Variants in LRRK2 observed in about 807,000 individuals in gnomAD.
LRRK2 encodes leucine rich repeat kinase 2.
Under a neutral mutation model 302.6 loss-of-function variants are expected in LRRK2, and 203 were observed. The ratio of observed to expected loss-of-function variants is 0.67; its 90% CI spans 0.60 to 0.75. LRRK2 has a LOEUF of 0.75. Among genes scored for constraint, LRRK2 ranks in the 30% least tolerant of loss-of-function variants. The probability of loss-of-function intolerance (pLI) is 0.00; values close to 1 mark genes in which losing one functional copy is unlikely to be tolerated. For missense variants in LRRK2, 2,830 were observed against 2,951.0 expected (o/e 0.96, Z 0.95); for synonymous variants, 1,066 against 1,031.9 (o/e 1.03, Z -0.63).
intron 27 of LRRK2, among the ~76,000 whole-genome samples, chr12:40,305,365 C>T (rs1323992774): frequency 3.3e-5 from 5 of 152,040 alleles, no homozygotes; most frequent in Non-Finnish European, 5.9e-5. Context: ...AAGCATGTAG[C>T]TGTACTTTGA....
rs547535172 is a variant in LRRK2, at chr12:40,288,274, A to G, written c.2689+735A>G. Among the ~76,000 whole-genome samples the G allele has an allele frequency of 2.2e-3, 334 of 152,000 alleles. 3 individuals carry two copies. Among genetic ancestry groups the G allele is most frequent in the African/African-American group, 7.8e-3 (323 of 41,538 alleles). ...TTATATACATATATAATTTATATAA[A>G]ATAAAATGCATTCACTTTAAGTATA... On this transcript the variant is annotated intron_variant, in intron 20 of 50. Transcript: ENST00000298910.
At chr12:40,346,061 A>G (rs973749250) in intron 41 of LRRK2, among the ~76,000 whole-genome samples, 2 of 152,090 alleles carry the variant, frequency 1.3e-5, no homozygotes, top group Non-Finnish European at 2.9e-5. Context: ...TTATATTTTT[A>G]TTATTATCAC....
chr12:40,339,265 A>C (rs1386453389), intron 40 of LRRK2, among the ~76,000 whole-genome samples: 2 of 152,220 alleles, frequency 1.3e-5, no homozygotes, highest in Non-Finnish European at 2.9e-5. Flanking sequence ...TCTTGTGAGA[A>C]ATTATTTTCA....
chr12:40,362,765 G>A (rs966125346), intron 47 of LRRK2, among the ~76,000 whole-genome samples: 1 of 152,104 alleles, frequency 6.6e-6, no homozygotes, highest in East Asian at 1.9e-4. Flanking sequence ...TACAATGCCA[G>A]ATGTCTTAGG....
chr12:40,238,186 G>T lies in LRRK2; in HGVS notation c.571+83G>T, dbSNP rs1161910937. ...GAAAAGTAGAACACAGTTATAATAA[G>T]AAGAAGGTTTCTAAAATCCTACTAT... On this transcript the variant is annotated intron_variant, in intron 5 of 50. Transcript: ENST00000298910. 12 of 1,381,716 alleles carry T rather than the reference G, an allele frequency of 8.7e-6. No individual in the cohort carries two copies. In the East Asian group the frequency reaches 1.6e-4, roughly 19 times the overall value. 85.6% of individuals were successfully genotyped at this position (1,381,716 alleles called of 1,614,324 possible). A position where few individuals can be genotyped will look rare whatever the true frequency, so the allele number is the denominator to read the frequency against.
chr12:40,320,264 G>T, intron 34 of LRRK2, 89 bp downstream of exon 34: 1 of 1,008,652 alleles, frequency 9.9e-7, no homozygotes, highest in Non-Finnish European at 1.5e-6. Context: ...TATAATAGAT[G>T]TATTAAATAA....
chr12:40,264,105 C>G (rs1014841713), intron 14 of LRRK2, among the ~76,000 whole-genome samples: 4 of 152,014 alleles, frequency 2.6e-5, no homozygotes, highest in African/African-American at 9.7e-5. Context: ...AGTGTATTAT[C>G]AATTATAGAT....
chr12:40,251,887 C>T (rs1273163102), intron 10 of LRRK2, among the ~76,000 whole-genome samples: 1 of 152,148 alleles, frequency 6.6e-6, no homozygotes, highest in African/African-American at 2.4e-5. Flanking sequence ...CATCTGTGAT[C>T]TTTTCTTCTA....
In LRRK2 at chr12:40,252,910, T is replaced by G. The variant is rs751521203; in HGVS notation, c.1182T>G (p.His394Gln). ...AACATTTTGTTTGAATTTTTGAAAG[T>G]TTCCCAGCTCATAGGGAAGTGATGC... ...LHEKIGDEDG[H>Q]FPAHREVMLS... Residue 394 changes from histidine to glutamine, a missense_variant and splice_region_variant, in exon 11 of 51, where the codon CAT (histidine) becomes CAG (glutamine). Physicochemically the swap from His to Gln is conservative, Grantham distance 24. Around this residue, in one of 3 missense-constraint regions of LRRK2, gnomAD observed 2,121 missense variants for 2,148.0 expected, o/e 0.99. Transcript: ENST00000298910. The G allele has an allele frequency of 6.2e-7, 1 of 1,610,774 alleles. No individual in the cohort carries two copies. Among genetic ancestry groups the G allele is most frequent in the East Asian group, 2.2e-5 (1 of 44,750 alleles).
chr12:40,338,201 T>A (rs775056092), intron 40 of LRRK2, among the ~76,000 whole-genome samples: 69 of 152,272 alleles, frequency 4.5e-4, no homozygotes, highest in Admixed American at 7.2e-4. Context: ...ATTTCTGGAA[T>A]CTTGATTAAA....
Position 40,238,037 on chromosome 12 carries a change from T to C in LRRK2, c.505T>C (p.Ser169Pro). 3.1e-6 allele frequency: 5 copies of C among 1,613,646 alleles called. No individual in the cohort carries two copies. The highest frequency in any genetic ancestry group is 1.1e-5 in the South Asian group (1 of 91,070). The change falls in exon 5 of 51, where the codon TCA becomes CCA. Residue 169 changes from serine (S) to proline (P), a missense_variant. This residue lies in a region of LRRK2 where 2,121 missense variants were observed against 2,148.0 expected (regional missense o/e 0.99). Coordinates refer to ENST00000298910, the MANE Select transcript of LRRK2 (RefSeq NM_198578.4). Reference sequence around the variant, plus strand: ...CATGTTAATTTTTGATGCCATGCACTCATTTCCAGCCAATGATGAAGTCCA... The same window carrying C: ...CATGTTAATTTTTGATGCCATGCACCCATTTCCAGCCAATGATGAAGTCCA... ...IFMLIFDAMH[S>P]FPANDEVQKL... is the part of the protein sequence containing the mutation.
chr12:40,288,272 A>T (rs1944004953), intron 20 of LRRK2, among the ~76,000 whole-genome samples: 2 of 151,902 alleles, frequency 1.3e-5, no homozygotes, highest in South Asian at 4.1e-4. Context: ...TAATTTATAT[A>T]AAATAAAATG....
chr12:40,227,702 GTAAT>G (rs1320150150), intron 2 of LRRK2, among the ~76,000 whole-genome samples: 6 of 151,970 alleles, frequency 3.9e-5, no homozygotes, highest in Non-Finnish European at 8.8e-5. Context: ...TTTTAGTTAA[GTAAT>G]TAATTTAGAG....
At chr12:40,269,737 A>G (rs753178412) in intron 14 of LRRK2, among the ~76,000 whole-genome samples, 1 of 152,132 alleles carries the variant, frequency 6.6e-6, no homozygotes, top group African/African-American at 2.4e-5. Flanking sequence ...CTATGGAAAA[A>G]TCTTCAATTT....
chr12:40,314,785 T>C (rs1012996386), intron 32 of LRRK2, among the ~76,000 whole-genome samples: 1 of 152,038 alleles, frequency 6.6e-6, no homozygotes, highest in African/African-American at 2.4e-5. Context: ...GATCCCTAGA[T>C]TCTGTTGTAT....
In LRRK2 at chr12:40,237,931, A is replaced by C. The variant is rs150000948; in HGVS notation, c.437-38A>C. 3,655 of 1,589,602 alleles carry C rather than the reference A, an allele frequency of 2.3e-3. 5 individuals are homozygous for C. Among genetic ancestry groups the C allele is most frequent in the Non-Finnish European group, 2.7e-3 (3,145 of 1,163,188 alleles). Reference sequence around the variant, plus strand: ...AAATTAACACATTAAATGTTAAAGCAGCTCTTTACTCAGAGCATATTATTC... The same window carrying C: ...AAATTAACACATTAAATGTTAAAGCCGCTCTTTACTCAGAGCATATTATTC... On this transcript the variant is annotated intron_variant, in intron 4 of 50. Coordinates refer to ENST00000298910, the MANE Select transcript of LRRK2 (RefSeq NM_198578.4).
Position 40,298,334 on chromosome 12 carries a change from T to C in LRRK2, c.3188T>C (p.Leu1063Pro), listed in dbSNP as rs1346670917. The C allele has an allele frequency of 6.2e-7, 1 of 1,613,986 alleles. No homozygotes were observed. The highest frequency in any genetic ancestry group is 2.2e-5 in the East Asian group (1 of 44,852). The change falls in exon 24 of 51, where the codon CTT becomes CCT. Residue 1063 changes from leucine (L) to proline (P), a missense_variant. Around this residue, in one of 3 missense-constraint regions of LRRK2, gnomAD observed 2,121 missense variants for 2,148.0 expected, o/e 0.99. Coordinates refer to ENST00000298910, the MANE Select transcript of LRRK2 (RefSeq NM_198578.4). ...YLLKMSCIAN[L>P]DVSRNDIGPS... ...TTGAAAATGAGTTGTATTGCTAATCTTGATGTCTCTCGAAATGACATTGGA... is the reference window on the plus strand; with the variant it reads ...TTGAAAATGAGTTGTATTGCTAATCCTGATGTCTCTCGAAATGACATTGGA...
chr12:40,236,782 T>C (rs553779167), intron 4 of LRRK2, among the ~76,000 whole-genome samples: 1 of 152,194 alleles, frequency 6.6e-6, no homozygotes, highest in African/African-American at 2.4e-5. Flanking sequence ...TCACTACAGC[T>C]TTTTATGACC....
intron 14 of LRRK2, among the ~76,000 whole-genome samples, chr12:40,273,951 G>C (rs776931191): frequency 2.0e-5 from 3 of 152,100 alleles, no homozygotes; most frequent in Non-Finnish European, 4.4e-5. Context: ...GTTGGATGAT[G>C]TCGTAATTAA....
Sources: gnomAD v4.1 joint callset for allele counts (sites outside exome capture counted in the v4.1 genomes callset) on GRCh38, gnomAD v4.1.1 for gene constraint, gnomAD v4.1.1 regional missense constraint, MANE v1.5 for transcripts, NCBI Gene and HGNC (gene_info 2026-07-23, HGNC 2026-07-21) for gene names.